The following TMEM135 variants were observed in gnomAD, a reference collection of about 807,000 sequenced individuals.
TMEM135 encodes peroxisomal membrane protein 52.
TMEM135 carries 30 observed loss-of-function variants against 60.3 expected under a neutral mutation model. That is an observed-to-expected ratio of 0.50 (90% CI 0.37 to 0.68). The LOEUF (loss-of-function observed/expected upper bound fraction) is 0.68. Ranked by LOEUF, TMEM135 falls within the 30% of genes least tolerant of loss-of-function variation. The pLI is 0.00. For missense variants in TMEM135, 468 were observed against 548.8 expected, an observed-to-expected ratio of 0.85 and a Z score of 1.47; for synonymous variants, 190 against 186.7, an observed-to-expected ratio of 1.02 and a Z score of -0.14.
intron 4 of TMEM135, among the ~76,000 whole-genome samples, chr11:87,100,797 G>A (rs1440036128): frequency 6.6e-6 from 1 of 152,066 alleles, no homozygotes; most frequent in African/African-American, 2.4e-5. Context: ...AGGAGGTGGA[G>A]GTTGCAGTAA....
intron 6 of TMEM135, among the ~76,000 whole-genome samples, chr11:87,251,840 T>C (rs1264040983): frequency 1.3e-5 from 2 of 152,198 alleles, no homozygotes; most frequent in African/African-American, 2.4e-5. Flanking sequence ...TGATTGTTTT[T>C]AAACCAAGAG....
At chr11:87,272,053 T>TTC (rs1325458939) in intron 6 of TMEM135, among the ~76,000 whole-genome samples, 1 of 95,586 alleles carries the variant, frequency 1.0e-5, no homozygotes, top group Non-Finnish European at 1.9e-5. Flanking sequence ...TTTCTTTTCT[T>TTC]TTTTTTTTTT....
At chr11:87,273,728 A>T (rs1941914299) in intron 6 of TMEM135, among the ~76,000 whole-genome samples, 1 of 152,216 alleles carries the variant, frequency 6.6e-6, no homozygotes, top group South Asian at 2.1e-4. Flanking sequence ...CTTTTGTTAG[A>T]TAATTGATAT....
At chr11:87,201,697 A>G (rs1201501552) in intron 5 of TMEM135, among the ~76,000 whole-genome samples, 4 of 152,240 alleles carry the variant, frequency 2.6e-5, no homozygotes, top group African/African-American at 9.6e-5. Context: ...GGTGTTTAAC[A>G]TGCCTTTTTT....
At chr11:87,267,840 C>T (rs1397330956) in intron 6 of TMEM135, among the ~76,000 whole-genome samples, 2 of 152,022 alleles carry the variant, frequency 1.3e-5, no homozygotes, top group Non-Finnish European at 2.9e-5. Flanking sequence ...TTACAGGTGC[C>T]ACCACGACGC....
chr11:87,161,088 T>C (rs1049870933), intron 5 of TMEM135, among the ~76,000 whole-genome samples: 4 of 152,040 alleles, frequency 2.6e-5, no homozygotes, highest in African/African-American at 9.7e-5. Flanking sequence ...TTAGTAGAGA[T>C]GGGGTTTCAC....
intron 3 of TMEM135, among the ~76,000 whole-genome samples, chr11:87,079,242 G>T (rs1856935887): frequency 6.6e-6 from 1 of 152,096 alleles, no homozygotes. Flanking sequence ...CCGACCTCAG[G>T]TGATCCACCT....
intron 8 of TMEM135, among the ~76,000 whole-genome samples, chr11:87,304,024 C>CT (rs1361584586): frequency 6.6e-6 from 1 of 152,062 alleles, no homozygotes; most frequent in Admixed American, 6.6e-5. Flanking sequence ...TTATGAGTGA[C>CT]TAAGAAAGAC....
At chr11:87,147,066 A>T (rs893057035) in intron 4 of TMEM135, among the ~76,000 whole-genome samples, 16 of 152,200 alleles carry the variant, frequency 1.1e-4, no homozygotes, top group Non-Finnish European at 2.4e-4. Context: ...TCACACCAGT[A>T]ATCCCAGCAC....
intron 5 of TMEM135, among the ~76,000 whole-genome samples, chr11:87,198,898 T>TC (rs397936469): frequency 6.6e-6 from 1 of 151,910 alleles, no homozygotes; most frequent in Non-Finnish European, 1.5e-5. Flanking sequence ...TGTCTTTTTT[T>TC]ATTTTGCTAG....
intron 11 of TMEM135, 112 bp downstream of exon 11, chr11:87,313,600 A>G: frequency 2.1e-6 from 2 of 963,248 alleles, no homozygotes; most frequent in South Asian, 2.8e-5. Context: ...TCTCTATCGT[A>G]ATAGAATTCC....
chr11:87,189,533 T>A (rs1485641504), intron 5 of TMEM135, among the ~76,000 whole-genome samples: 1 of 152,156 alleles, frequency 6.6e-6, no homozygotes, highest in East Asian at 1.9e-4. Context: ...GAATATCTTC[T>A]CATGGGTGGC....
At chr11:87,299,764 T>C (rs894905138) in intron 7 of TMEM135, among the ~76,000 whole-genome samples, 1 of 152,210 alleles carries the variant, frequency 6.6e-6, no homozygotes, top group African/African-American at 2.4e-5. Context: ...ATCTCAGGAA[T>C]ATATTTTAGG....
intron 6 of TMEM135, among the ~76,000 whole-genome samples, chr11:87,242,438 CA>C (rs1159336149): frequency 8.4e-6 from 1 of 118,422 alleles, no homozygotes; most frequent in Non-Finnish European, 1.9e-5. Context: ...CTGACTTCCA[CA>C]ATGGTTGAAC....
intron 4 of TMEM135, among the ~76,000 whole-genome samples, chr11:87,135,976 T>TA (rs1220102143): frequency 2.6e-5 from 4 of 152,062 alleles, no homozygotes; most frequent in African/African-American, 9.6e-5. Flanking sequence ...TAACCACAAG[T>TA]ATTTAATATT....
At chr11:87,150,601 T>C (rs1195041965) in intron 4 of TMEM135, among the ~76,000 whole-genome samples, 2 of 152,264 alleles carry the variant, frequency 1.3e-5, no homozygotes, top group Non-Finnish European at 2.9e-5. Context: ...CTTTTCTTGC[T>C]ACCTTATGTT....
chr11:87,042,820 G>A (rs1317371608), intron 1 of TMEM135, among the ~76,000 whole-genome samples: 2 of 151,332 alleles, frequency 1.3e-5, no homozygotes, highest in Non-Finnish European at 2.9e-5. Flanking sequence ...CTGTTTAGTC[G>A]GTATTCATCT....
chr11:87,308,612 G>A (rs1413825777), intron 9 of TMEM135, among the ~76,000 whole-genome samples: 1 of 152,150 alleles, frequency 6.6e-6, no homozygotes, highest in Non-Finnish European at 1.5e-5. Context: ...AGTTAGAGAG[G>A]AGGAGGATGG....
rs550556537 is a variant in TMEM135, at chr11:87,212,245, AT to A, written c.463-24383del. Among the ~76,000 whole-genome samples the A allele has an allele frequency of 6.9e-3, 1,023 of 149,030 alleles. 9 individuals are homozygous for A. Among genetic ancestry groups the A allele is most frequent in the Non-Finnish European group, 0.011 (735 of 67,006 alleles). On this transcript the variant is annotated intron_variant, in intron 5 of 14. Transcript: ENST00000305494. ...TTTCTACCCCAAGTAGCTGTTACGC[AT>A]TTTTTTTTTCTAGTGAATGGTAGTA... is the stretch of plus-strand genomic sequence containing the variant.
Sources: gnomAD v4.1 joint callset for allele counts (sites outside exome capture counted in the v4.1 genomes callset) on GRCh38, gnomAD v4.1.1 for gene constraint, MANE v1.5 for transcripts, NCBI Gene and HGNC (gene_info 2026-07-23, HGNC 2026-07-21) for gene names.